TRIM61: variants seen among roughly 807,000 people sequenced by gnomAD.
The protein encoded by TRIM61 is putative tripartite motif-containing protein 61.
In TRIM61, 1 loss-of-function variant was observed where a neutral mutation model predicts 14.2. The observed-to-expected ratio is 0.07, with a 90% CI of 0.03 to 0.33. The LOEUF (loss-of-function observed/expected upper bound fraction) is 0.33, where lower values mean the gene tolerates loss of function less well. Among genes scored for constraint, TRIM61 ranks in the 10% least tolerant of loss-of-function variants. The probability of loss-of-function intolerance (pLI) is 0.99; values close to 1 mark genes in which losing one functional copy is unlikely to be tolerated. For missense variants in TRIM61, 19 were observed against 202.2 expected (o/e 0.09, Z 5.49); for synonymous variants, 8 against 71.6 (o/e 0.11, Z 4.49).
chr4:164,957,207 A>G, intron 3 of TRIM61: 6 of 1,614,016 alleles, frequency 3.7e-6, no homozygotes, highest in Non-Finnish European at 5.1e-6. Flanking sequence ...TTGCTCAGAC[A>G]TCCAGGGACG....
At chr4:164,964,357 A>AG (rs1732195931) in intron 3 of TRIM61, among the ~76,000 whole-genome samples, 2 of 151,824 alleles carry the variant, frequency 1.3e-5, no homozygotes, top group African/African-American at 4.8e-5. Context: ...CAAAAAAAAA[A>AG]AAAAGAAAAG....
At position 164,957,359 on chromosome 4, in the gene TRIM61, G is replaced by A. The variant is rs935470819; in HGVS notation, c.526-2263C>T. 7 of 1,613,904 alleles carry A rather than the reference G, an allele frequency of 4.3e-6. No homozygotes were observed. In the African/African-American group the frequency reaches 9.4e-5, roughly 22 times the overall value. ...GGCTGTCACGCCACCGAAATTGCCA[G>A]GCCACTCCAAGTCAGAAGGACCACC... On this transcript the variant is annotated intron_variant, in intron 3 of 4. Transcript: ENST00000329314.
intron 3 of TRIM61, chr4:164,958,987 A>G (rs1159400333): frequency 6.0e-6 from 1 of 167,102 alleles, no homozygotes; most frequent in East Asian, 1.9e-4. Context: ...AAATATCCAA[A>G]TATGGTAATA....
intron 2 of TRIM61, among the ~76,000 whole-genome samples, chr4:164,972,686 G>A (rs933400995): frequency 6.6e-6 from 1 of 152,114 alleles, no homozygotes. Flanking sequence ...ACAGGGTTTC[G>A]CCATGTTGTC....
At chr4:164,971,845 C>G (rs1010568541) in intron 2 of TRIM61, among the ~76,000 whole-genome samples, 2 of 151,996 alleles carry the variant, frequency 1.3e-5, no homozygotes, top group Admixed American at 6.6e-5. Flanking sequence ...GTATTTTTTC[C>G]CCTTCACCTC....
chr4:164,971,933 T>C (rs771716426), intron 2 of TRIM61, among the ~76,000 whole-genome samples: 6 of 152,234 alleles, frequency 3.9e-5, no homozygotes, highest in Admixed American at 3.9e-4. Flanking sequence ...AGTAATAGTA[T>C]GTGCATGGTT....
At chr4:164,955,165 A>G (rs996602072) in intron 3 of TRIM61, 1 of 160,450 alleles carries the variant, frequency 6.2e-6, no homozygotes, top group African/African-American at 2.4e-5. Flanking sequence ...CACATAACCT[A>G]TTTGGTTCAC....
At chr4:164,958,873 CTG>C (rs1286276406) in intron 3 of TRIM61, 2 of 167,078 alleles carry the variant, frequency 1.2e-5, no homozygotes, top group African/African-American at 4.8e-5. Flanking sequence ...TTCTTCATAA[CTG>C]TAATATGTCT....
At chr4:164,971,877 ACT>A (rs1458355341) in intron 2 of TRIM61, among the ~76,000 whole-genome samples, 1 of 151,880 alleles carries the variant, frequency 6.6e-6, no homozygotes, top group African/African-American at 2.4e-5. Context: ...CACTTTCTTA[ACT>A]CTTCTTCTTC....
At chr4:164,956,256 G>C (rs1037091618) in intron 3 of TRIM61, among the ~76,000 whole-genome samples, 1 of 152,094 alleles carries the variant, frequency 6.6e-6, no homozygotes, top group African/African-American at 2.4e-5. Flanking sequence ...TGTACAGACA[G>C]GGTTTCACCA....
intron 3 of TRIM61, chr4:164,956,955 C>T (rs1234679948): frequency 7.1e-7 from 1 of 1,414,202 alleles, no homozygotes; most frequent in Non-Finnish European, 9.3e-7. Flanking sequence ...TGGGCTTCGA[C>T]TTCCGGGTGA....
At chr4:164,962,221 CTT>C (rs10712896) in intron 3 of TRIM61, among the ~76,000 whole-genome samples, 2,573 of 128,834 alleles carry the variant, frequency 0.02, 67 homozygotes, top group African/African-American at 0.067. Flanking sequence ...ATAGTTACTT[CTT>C]TTTTTTTTTT....
At chr4:164,962,267 C>T (rs578000449) in intron 3 of TRIM61, among the ~76,000 whole-genome samples, 8 of 146,976 alleles carry the variant, frequency 5.4e-5, no homozygotes, top group African/African-American at 1.0e-4. Flanking sequence ...GTCACCCAGG[C>T]TGGAGTGCAG....
chr4:164,956,984 C>G (rs570998524), intron 3 of TRIM61: 2 of 1,451,370 alleles, frequency 1.4e-6, no homozygotes, highest in South Asian at 1.5e-5. Context: ...AGGTGTGGCG[C>G]GACGTTGGAG....
Position 164,957,579 on chromosome 4 carries a change from A to C in TRIM61, c.526-2483T>G, listed in dbSNP as rs73002512. 7.3e-3 allele frequency: 10,072 copies of C among 1,381,834 alleles called. 541 individuals are homozygous for C. The African/African-American group carries it at 0.12, about 17-fold the overall frequency. The allele number at this position is 1,381,834 out of a possible 1,614,324, so 85.6% of individuals were successfully genotyped here. ...TGTAAAATGCTTTAAATAAGCCAAAACTAAACCAATCGTTATGTTAACTAA... is the reference window on the plus strand; with the variant it reads ...TGTAAAATGCTTTAAATAAGCCAAACCTAAACCAATCGTTATGTTAACTAA... On this transcript the variant is annotated intron_variant, in intron 3 of 4. Coordinates refer to ENST00000329314, the MANE Select transcript of TRIM61 (RefSeq NM_001012414.3).
intron 3 of TRIM61, among the ~76,000 whole-genome samples, chr4:164,966,286 A>G (rs1732237446): frequency 6.6e-6 from 1 of 152,232 alleles, no homozygotes; most frequent in South Asian, 2.1e-4. Flanking sequence ...TTGACAATAC[A>G]TGGCTCAGAA....
At chr4:164,964,265 A>G (rs1234538754) in intron 3 of TRIM61, among the ~76,000 whole-genome samples, 2 of 151,066 alleles carry the variant, frequency 1.3e-5, no homozygotes, top group Non-Finnish European at 3.0e-5. Flanking sequence ...AGAGAATGGC[A>G]TGAACCCGGG....
chr4:164,972,496 CT>C (rs1380316007), intron 2 of TRIM61, among the ~76,000 whole-genome samples: 1 of 116,786 alleles, frequency 8.6e-6, no homozygotes. Flanking sequence ...TTGCCTATTG[CT>C]TTGTGTGTGT....
chr4:164,958,427 G>A (rs1359077046), intron 3 of TRIM61: 1 of 166,964 alleles, frequency 6.0e-6, no homozygotes, highest in African/African-American at 2.4e-5. Flanking sequence ...GTTTCACACT[G>A]GGTATGATTT....
Sources: gnomAD v4.1 joint callset for allele counts (sites outside exome capture counted in the v4.1 genomes callset) on GRCh38, gnomAD v4.1.1 for gene constraint, MANE v1.5 for transcripts, NCBI Gene and HGNC (gene_info 2026-07-23, HGNC 2026-07-21) for gene names.